Variants in ZMYND12 observed in about 807,000 individuals in gnomAD.
The protein encoded by ZMYND12 is zinc finger MYND domain-containing protein 12.
ZMYND12 carries 32 observed loss-of-function variants against 41.7 expected under a neutral mutation model. That is an observed-to-expected ratio of 0.77 (90% CI 0.58 to 1.03). ZMYND12 has a LOEUF of 1.03. Ranked by LOEUF, ZMYND12 falls within the 50% of genes least tolerant of loss-of-function variation. The probability of loss-of-function intolerance (pLI) is 0.00; values close to 1 mark genes in which losing one functional copy is unlikely to be tolerated. For missense variants in ZMYND12, 424 were observed against 438.5 expected (o/e 0.97, Z 0.30); for synonymous variants, 148 against 164.8 (o/e 0.90, Z 0.78).
rs1261568816 is a variant in ZMYND12, at chr1:42,450,076, A to G, written c.111-17T>C. 1.9e-5 allele frequency: 30 copies of G among 1,612,654 alleles called. No homozygotes were observed. Among genetic ancestry groups the G allele is most frequent in the Non-Finnish European group, 2.5e-5 (30 of 1,179,878 alleles). On this transcript the variant is annotated splice_polypyrimidine_tract_variant and intron_variant, in intron 1 of 7. Coordinates refer to ENST00000372565, the MANE Select transcript of ZMYND12 (RefSeq NM_032257.5). ...ACCACCCCACTGACAACGGAAACAT[A>G]GACTTTATGATCTTTATATTTGGCA... is the stretch of plus-strand genomic sequence containing the variant.
intron 1 of ZMYND12, among the ~76,000 whole-genome samples, chr1:42,452,617 T>G (rs575421937): frequency 1.3e-5 from 2 of 152,138 alleles, no homozygotes; most frequent in South Asian, 4.2e-4. Flanking sequence ...GCAAGAGAAT[T>G]GCTTGAACCC....
At chr1:42,431,627 G>A (rs2148403375) in intron 7 of ZMYND12, among the ~76,000 whole-genome samples, 1 of 152,286 alleles carries the variant, frequency 6.6e-6, no homozygotes, top group Non-Finnish European at 1.5e-5. Context: ...TTTTGTCTAA[G>A]GTCTCTTGTA....
At chr1:42,450,099 G>T in intron 1 of ZMYND12, 40 bp from the exon 2 acceptor site, 2 of 1,605,868 alleles carry the variant, frequency 1.2e-6, no homozygotes, top group Non-Finnish European at 1.7e-6. Context: ...TTTATATTTG[G>T]CATGACTTAA....
Position 42,430,555 on chromosome 1 carries a change from A to G in ZMYND12, c.*181T>C, listed in dbSNP as rs1177390039. On this transcript the variant is annotated 3_prime_UTR_variant, in exon 8 of 8. Transcript: ENST00000372565. ...ACAGTTTTTAGTGATTTCTATGCCT[A>G]AAGCTTTATATTCCCTTAATATGCT... 2.9e-6 allele frequency: 2 copies of G among 694,440 alleles called. No individual in the cohort carries two copies. Among genetic ancestry groups the G allele is most frequent in the Non-Finnish European group, 4.5e-6 (2 of 440,906 alleles). 43.0% of individuals were successfully genotyped at this position (694,440 alleles called of 1,614,324 possible).
At chr1:42,431,048 G>A (rs576994058) in intron 7 of ZMYND12, among the ~76,000 whole-genome samples, 190 bp from the exon 8 acceptor site, 2 of 152,246 alleles carry the variant, frequency 1.3e-5, no homozygotes, top group Admixed American at 1.3e-4. Context: ...GCTGGGCAGG[G>A]CACCAGAAAA....
intron 2 of ZMYND12, 103 bp downstream of exon 2, chr1:42,449,815 C>T: frequency 1.4e-6 from 2 of 1,422,138 alleles, no homozygotes; most frequent in Non-Finnish European, 1.9e-6. Flanking sequence ...AGTCTCTGCC[C>T]TCCGTGAGGT....
At chr1:42,445,133 A>G (rs571614553) in intron 3 of ZMYND12, among the ~76,000 whole-genome samples, 129 of 150,588 alleles carry the variant, frequency 8.6e-4, no homozygotes, top group Admixed American at 4.4e-3. Context: ...TTAAACAAGT[A>G]TATTAAAAAT....
At chr1:42,453,725 C>T (rs1643111033) in intron 1 of ZMYND12, among the ~76,000 whole-genome samples, 1 of 152,128 alleles carries the variant, frequency 6.6e-6, no homozygotes, top group South Asian at 2.1e-4. Flanking sequence ...AGGTTTTACC[C>T]ACGGCGGTTT....
Position 42,455,998 on chromosome 1 carries a change from G to A in ZMYND12, c.-1C>T. ...CTGCCAGTGGGTAGATCACATTCAT[G>A]GTGCAGCCAGCAGTGCTGGTCTCTA... On this transcript the variant is annotated 5_prime_UTR_variant, in exon 1 of 8. Transcript: ENST00000372565. 6.2e-7 allele frequency: 1 copy of A among 1,609,360 alleles called. No homozygotes were observed. Among genetic ancestry groups the A allele is most frequent in the Non-Finnish European group, 8.5e-7 (1 of 1,177,840 alleles).
chr1:42,452,695 T>A (rs1464572977), intron 1 of ZMYND12, among the ~76,000 whole-genome samples: 1 of 152,082 alleles, frequency 6.6e-6, no homozygotes, highest in Non-Finnish European at 1.5e-5. Flanking sequence ...AGAGCAAGAC[T>A]CCGTCTCAAA....
chr1:42,445,723 G>T (rs539386705), intron 3 of ZMYND12, among the ~76,000 whole-genome samples: 1 of 152,078 alleles, frequency 6.6e-6, no homozygotes, highest in Non-Finnish European at 1.5e-5. Context: ...ATTTGTTAAC[G>T]GCTAGATCAA....
chr1:42,455,470 C>T (rs1184330136), intron 1 of ZMYND12, among the ~76,000 whole-genome samples: 1 of 152,212 alleles, frequency 6.6e-6, no homozygotes, highest in African/African-American at 2.4e-5. Context: ...GACAGGGTTT[C>T]ACCATGTTGG....
rs1642837651 is a variant in ZMYND12 at position 42,430,683 on chromosome 1, A to AGG, written c.*52_*53insCC. Reference sequence around the variant, plus strand: ...AAGCAGTTGTGCAAGGCTGGAATATATTAGATCTTCAGTAGCCCCTGGAAT... The same window carrying AGG: ...AAGCAGTTGTGCAAGGCTGGAATATAGGTTAGATCTTCAGTAGCCCCTGGAAT... On this transcript the variant is annotated 3_prime_UTR_variant, in exon 8 of 8. Coordinates refer to ENST00000372565, the MANE Select transcript of ZMYND12 (RefSeq NM_032257.5). 1 of 1,603,436 alleles carries AGG rather than the reference A, an allele frequency of 6.2e-7. No individual in the cohort carries two copies. The highest frequency in any genetic ancestry group is 1.1e-5 in the South Asian group (1 of 90,716).
In ZMYND12 at chr1:42,433,306, GAA is replaced by G; in HGVS notation, c.830-20_830-19del. On this transcript the variant is annotated intron_variant, in intron 6 of 7. Transcript: ENST00000372565. ...GGCTTCATCTGCATTGGAAGGGGAA[GAA>G]AGAAAAAACAGGCTCTTGGCAACTG... is the stretch of plus-strand genomic sequence containing the variant. 10 of 1,586,210 alleles carry G rather than the reference GAA, an allele frequency of 6.3e-6. No individual in the cohort carries two copies. Among genetic ancestry groups the G allele is most frequent in the Non-Finnish European group, 8.5e-6 (10 of 1,171,312 alleles).
At chr1:42,455,376 G>A (rs1643149634) in intron 1 of ZMYND12, among the ~76,000 whole-genome samples, 1 of 152,224 alleles carries the variant, frequency 6.6e-6, no homozygotes, top group Admixed American at 6.5e-5. Flanking sequence ...GGGTTCAAGC[G>A]ATTCTTCTGC....
At chr1:42,432,372 A>C (rs2148403646) in intron 7 of ZMYND12, among the ~76,000 whole-genome samples, 1 of 152,208 alleles carries the variant, frequency 6.6e-6, no homozygotes, top group South Asian at 2.1e-4. Flanking sequence ...AGTTTTCTTT[A>C]TAACAGTTTC....
intron 3 of ZMYND12, among the ~76,000 whole-genome samples, chr1:42,440,913 C>A (rs992658874): frequency 4.6e-5 from 7 of 152,088 alleles, no homozygotes; most frequent in African/African-American, 1.2e-4. Flanking sequence ...GGTGATCCAC[C>A]CACCTCGACC....
At chr1:42,437,294 G>A (rs1201834789) in intron 4 of ZMYND12, among the ~76,000 whole-genome samples, 2 of 152,150 alleles carry the variant, frequency 1.3e-5, no homozygotes, top group Non-Finnish European at 2.9e-5. Flanking sequence ...AAATGACTGC[G>A]CATGGATACA....
At chr1:42,431,328 G>A (rs1261543860) in intron 7 of ZMYND12, among the ~76,000 whole-genome samples, 2 of 152,062 alleles carry the variant, frequency 1.3e-5, no homozygotes, top group Non-Finnish European at 2.9e-5. Flanking sequence ...CATGTTCCAG[G>A]TCCTGTGAGT....
Sources: allele counts gnomAD v4.1 joint callset (sites outside exome capture counted in the v4.1 genomes callset), GRCh38; gene constraint gnomAD v4.1.1; transcripts MANE v1.5; gene names NCBI Gene and HGNC (gene_info 2026-07-23, HGNC 2026-07-21).